The following UAP1 variants were observed in gnomAD, a reference collection of about 807,000 sequenced individuals.
UAP1 encodes UDP-N-acetylhexosamine pyrophosphorylase.
In UAP1, 25 loss-of-function variants were observed where a neutral mutation model predicts 58.5. The ratio of observed to expected loss-of-function variants is 0.43; its 90% CI spans 0.31 to 0.60. The LOEUF is 0.60. Ranked by LOEUF, UAP1 falls within the 20% of genes least tolerant of loss-of-function variation. The pLI, the probability that UAP1 is intolerant of heterozygous loss-of-function variation, is 0.11. For missense variants in UAP1, 575 were observed against 630.0 expected (o/e 0.91, Z 0.93); for synonymous variants, 208 against 213.0 (o/e 0.98, Z 0.21).
At chr1:162,597,729 C>T (rs529468773) in intron 9 of UAP1, 63 bp from the exon 10 acceptor site, 3 of 1,407,266 alleles carry the variant, frequency 2.1e-6, no homozygotes, top group Admixed American at 1.8e-5. Context: ...ATGGTTTGTA[C>T]TTTTGCTCTG....
intron 2 of UAP1, among the ~76,000 whole-genome samples, chr1:162,571,287 C>T (rs993781475): frequency 1.3e-4 from 20 of 151,974 alleles, no homozygotes; most frequent in South Asian, 2.1e-4. Flanking sequence ...TGCCACCACA[C>T]CCAGCCAATT....
chr1:162,588,900 G>T, intron 7 of UAP1, 67 bp downstream of exon 7: 1 of 1,474,962 alleles, frequency 6.8e-7, no homozygotes, highest in African/African-American at 1.4e-5. Context: ...ACTCTCTTAG[G>T]CATGAAACTG....
intron 2 of UAP1, 93 bp downstream of exon 2, chr1:162,566,441 A>T: frequency 7.6e-7 from 1 of 1,324,118 alleles, no homozygotes; most frequent in Non-Finnish European, 1.0e-6. Flanking sequence ...ATTTTGATTC[A>T]TACTACATTA....
At chr1:162,570,414 C>A (rs928880893) in intron 2 of UAP1, among the ~76,000 whole-genome samples, 1 of 151,866 alleles carries the variant, frequency 6.6e-6, no homozygotes, top group Non-Finnish European at 1.5e-5. Flanking sequence ...CCACATAAGC[C>A]CCCTTGATTA....
intron 3 of UAP1, among the ~76,000 whole-genome samples, chr1:162,577,435 CTTTTTTTTTTTTTTT>C (rs67627704): frequency 4.3e-4 from 41 of 95,244 alleles, no homozygotes; most frequent in African/African-American, 1.7e-3. Flanking sequence ...AGTTCCTTCC[CTTTTTTTTTTTTTTT>C]TTTTTTTTTT....
chr1:162,587,472 C>T lies in UAP1; in HGVS notation c.835-3C>T, dbSNP rs144766715. On this transcript the variant is annotated splice_region_variant and splice_polypyrimidine_tract_variant and intron_variant, in intron 5 of 10. Coordinates refer to ENST00000271469, the Ensembl canonical transcript of UAP1. ...TCCTCTACTGTTTTTCTCTGGTGGA[C>T]AGGTGGTAGAGAAAACGAACCCTAC... 6.3e-7 allele frequency: 1 copy of T among 1,596,250 alleles called. No homozygotes were observed. The highest frequency in any genetic ancestry group is 1.3e-5 in the African/African-American group (1 of 74,604).
exon 1 of UAP1, chr1:162,561,635 C>T (rs1427917915): frequency 6.6e-6 from 1 of 152,074 alleles, no homozygotes; most frequent in East Asian, 1.9e-4. Context: ...GGGGCTGGCG[C>T]TCCACTTGGC....
chr1:162,590,722 C>T (rs1557978803), intron 8 of UAP1, among the ~76,000 whole-genome samples: 1 of 151,858 alleles, frequency 6.6e-6, no homozygotes, highest in Non-Finnish European at 1.5e-5. Flanking sequence ...TCTTTCAGAT[C>T]TCTCTTTTTT....
chr1:162,565,890 T>C, intron 1 of UAP1, 122 bp from the exon 2 acceptor site: 1 of 636,576 alleles, frequency 1.6e-6, no homozygotes, highest in African/African-American at 1.8e-5. Context: ...TATTGAGTGA[T>C]GGAAAAGCAG....
Position 162,579,448 on chromosome 1 carries a change from G to T in UAP1, c.506G>T (p.Arg169Ile). 3 of 1,587,736 alleles carry T rather than the reference G, an allele frequency of 1.9e-6. No individual in the cohort carries two copies. The South Asian group carries it at 3.5e-5, about 18-fold the overall frequency. ...GTAAGGTATATAATGACCAGTGGCAGAACAATGGAATCTACAAAGGAGTTC... is the reference window on the plus strand; with the variant it reads ...GTAAGGTATATAATGACCAGTGGCATAACAATGGAATCTACAAAGGAGTTC... Residue 169 changes from arginine (R) to isoleucine (I), a missense_variant, in exon 4 of 11, where the codon AGA becomes ATA. By Grantham distance (97) the Arg-to-Ile change is moderately conservative. Transcript: ENST00000271469.
downstream of UAP1, among the ~76,000 whole-genome samples, chr1:162,600,336 T>G (rs1328652061): frequency 6.6e-6 from 1 of 152,166 alleles, no homozygotes; most frequent in African/African-American, 2.4e-5. Context: ...AGTTTTTTGT[T>G]ATTGTTGTTG....
chr1:162,567,881 C>T (rs572018440), intron 2 of UAP1, among the ~76,000 whole-genome samples: 42 of 152,088 alleles, frequency 2.8e-4, no homozygotes, highest in Non-Finnish European at 3.7e-4. Flanking sequence ...ACTGCAACTT[C>T]GCCTCTTAGG....
At chr1:162,565,725 T>G (rs138140614) in intron 1 of UAP1, among the ~76,000 whole-genome samples, 1 of 152,292 alleles carries the variant, frequency 6.6e-6, no homozygotes, top group East Asian at 1.9e-4. Flanking sequence ...CTGGTTAGGT[T>G]ACTTAGCCTC....
intron 2 of UAP1, among the ~76,000 whole-genome samples, chr1:162,575,383 TAATA>T (rs1245618090): frequency 1.3e-5 from 2 of 152,196 alleles, no homozygotes; most frequent in Non-Finnish European, 2.9e-5. Context: ...AAAGGCGTTT[TAATA>T]AATTAATATA....
intron 4 of UAP1, 69 bp downstream of exon 4, chr1:162,579,672 C>A (rs1654462801): frequency 1.6e-6 from 2 of 1,274,726 alleles, no homozygotes; most frequent in Admixed American, 2.6e-5. Context: ...TGTTGATTTT[C>A]TTTTTAACAT....
rs1291917695 is a variant in UAP1 at position 162,589,121 on chromosome 1, TTATATA to T, written c.1169+293_1169+298del. On this transcript the variant is annotated intron_variant, in intron 7 of 10. Coordinates refer to ENST00000271469, the Ensembl canonical transcript of UAP1. The stretch of plus-strand genomic sequence containing the variant: ...TAAATATATATATTATATATATATT[TTATATA>T]TATAATTTATATATTTATATAATAT... 4.3e-5 allele frequency among the ~76,000 whole-genome samples: 5 copies of T among 116,398 alleles called. No homozygotes were observed. In the South Asian group the frequency reaches 1.1e-3, roughly 26 times the overall value. The allele number at this position is 116,398 out of a possible 152,430, so 76.4% of individuals were successfully genotyped here.
chr1:162,590,803 T>A (rs1174504549), intron 8 of UAP1, among the ~76,000 whole-genome samples: 1 of 141,738 alleles, frequency 7.1e-6, no homozygotes, highest in African/African-American at 2.7e-5. Flanking sequence ...GATCAGAAGA[T>A]TTTTTTTTTT....
At chr1:162,585,569 T>C (rs1654857228) in intron 5 of UAP1, among the ~76,000 whole-genome samples, 1 of 152,194 alleles carries the variant, frequency 6.6e-6, no homozygotes, top group African/African-American at 2.4e-5. Flanking sequence ...TTCTATACTT[T>C]ATATCTTTTC....
chr1:162,570,113 T>C (rs535072014), intron 2 of UAP1, among the ~76,000 whole-genome samples: 47 of 149,594 alleles, frequency 3.1e-4, no homozygotes, highest in East Asian at 2.4e-3. Flanking sequence ...CGTGCCACTG[T>C]ACTCCAGCCT....
Sources: allele counts gnomAD v4.1 joint callset (sites outside exome capture counted in the v4.1 genomes callset), GRCh38; gene constraint gnomAD v4.1.1; transcripts MANE v1.5; gene names NCBI Gene and HGNC (gene_info 2026-07-23, HGNC 2026-07-21).